Variants in C4orf50 observed in about 807,000 individuals in gnomAD.
C4orf50 encodes the protein chromosome 4 open reading frame 50.
In C4orf50, 80 loss-of-function variants were observed where a neutral mutation model predicts 77.2. That is an observed-to-expected ratio of 1.04 (90% CI 0.87 to 1.25). The LOEUF is 1.25. Ranked by LOEUF, C4orf50 falls within the 50% of genes most tolerant of loss-of-function variation. C4orf50 has a pLI of 0.00. For synonymous variants in C4orf50, 532 were observed against 465.3 expected (o/e 1.14, Z -1.84); for missense variants, 1,257 against 1,152.9 (o/e 1.09, Z -1.31).
At chr4:5,909,154 C>T (rs1716682087) in intron 7 of C4orf50, among the ~76,000 whole-genome samples, 1 of 152,200 alleles carries the variant, frequency 6.6e-6, no homozygotes, top group African/African-American at 2.4e-5. Flanking sequence ...TACAGAATAT[C>T]CTGTCATATC....
intron 30 of C4orf50, among the ~76,000 whole-genome samples, chr4:5,975,553 C>T (rs1434778568): frequency 6.6e-6 from 1 of 152,056 alleles, no homozygotes; most frequent in Non-Finnish European, 1.5e-5. Context: ...ACTCTGTTGC[C>T]CAAGCTGGAG....
At chr4:5,985,142 G>GA (rs149832110) in intron 28 of C4orf50, among the ~76,000 whole-genome samples, 1 of 151,388 alleles carries the variant, frequency 6.6e-6, no homozygotes, top group Non-Finnish European at 1.5e-5. Flanking sequence ...CCAATGGGAA[G>GA]AAAAAAAATT....
intron 7 of C4orf50, among the ~76,000 whole-genome samples, chr4:5,920,369 G>A (rs906090499): frequency 1.3e-4 from 20 of 152,064 alleles, no homozygotes; most frequent in South Asian, 8.3e-4. Context: ...GAGTTGAGGT[G>A]TGCGCCTGGT....
exon 28 of C4orf50, chr4:5,990,778 A>G (rs1485867852): frequency 5.0e-6 from 2 of 399,054 alleles, no homozygotes; most frequent in African/African-American, 2.1e-5. Flanking sequence ...GCAGCCACAG[A>G]CCAGGAGAAG....
intron 7 of C4orf50, chr4:5,898,923 A>C (rs1716237906): frequency 6.6e-6 from 1 of 152,234 alleles, no homozygotes; most frequent in Admixed American, 6.5e-5. Context: ...TTACATTTAC[A>C]CTAAAAATGC....
chr4:5,907,860 G>A (rs946086886), intron 7 of C4orf50, among the ~76,000 whole-genome samples: 6 of 152,170 alleles, frequency 3.9e-5, no homozygotes, highest in Non-Finnish European at 5.9e-5. Context: ...TGGCATGTTC[G>A]AAGGACAGAA....
chr4:5,917,944 G>A lies in C4orf50; in HGVS notation c.*2475-19756C>T, dbSNP rs548512135. 1.3e-3 allele frequency among the ~76,000 whole-genome samples: 200 copies of A among 152,170 alleles called. 1 individual carries two copies. The highest frequency in any genetic ancestry group is 4.6e-3 in the African/African-American group (191 of 41,506). ...ATTGGCACAGAATGCAATGAGATGC[G>A]GCTGGTCATTCATCAGAGAGCCGGG... On this transcript the variant is annotated intron_variant, in intron 7 of 7. Transcript: ENST00000324058.
At chr4:5,976,444 AG>A (rs1295904937) in intron 29 of C4orf50, among the ~76,000 whole-genome samples, 9 of 121,196 alleles carry the variant, frequency 7.4e-5, no homozygotes, top group Non-Finnish European at 1.3e-4. Context: ...CGAGAGAGCG[AG>A]GCTCTGTCTC....
chr4:5,984,628 G>A (rs1053592688), intron 28 of C4orf50, among the ~76,000 whole-genome samples: 3 of 152,096 alleles, frequency 2.0e-5, no homozygotes, highest in Non-Finnish European at 4.4e-5. Flanking sequence ...GTAGAATACA[G>A]GATTAGTGAA....
intron 24 of C4orf50, among the ~76,000 whole-genome samples, chr4:6,010,665 T>A (rs1345955881): frequency 6.6e-6 from 1 of 152,156 alleles, no homozygotes; most frequent in Non-Finnish European, 1.5e-5. Flanking sequence ...AGTTTGAAAA[T>A]CCCTGGCTGC....
At chr4:5,990,867 C>A in intron 27 of C4orf50, 43 bp from the exon 6 acceptor site, 1 of 399,076 alleles carries the variant, frequency 2.5e-6, no homozygotes. Flanking sequence ...CAGCCCCTTC[C>A]TCCATTTAGC....
chr4:5,950,475 T>C (rs1363555713), intron 7 of C4orf50, among the ~76,000 whole-genome samples: 2 of 151,972 alleles, frequency 1.3e-5, no homozygotes, highest in East Asian at 3.8e-4. Flanking sequence ...CTTTTATTAT[T>C]CTCTGTACTT....
chr4:6,001,385 C>T (rs954142490), intron 25 of C4orf50, among the ~76,000 whole-genome samples: 2 of 152,180 alleles, frequency 1.3e-5, no homozygotes, highest in Admixed American at 6.5e-5. Context: ...GTCAGGAGTT[C>T]GTGTTCCATG....
At chr4:5,937,784 A>C (rs1264584502) in intron 7 of C4orf50, among the ~76,000 whole-genome samples, 1 of 152,188 alleles carries the variant, frequency 6.6e-6, no homozygotes, top group East Asian at 1.9e-4. Flanking sequence ...GAATAACCAT[A>C]TTGACATTAA....
chr4:5,988,579 A>G, exon 28 of C4orf50: 1 of 1,536,492 alleles, frequency 6.5e-7, no homozygotes, highest in South Asian at 1.2e-5. Context: ...AGCCAGACTC[A>G]TTTCCTCCTC....
In C4orf50 at chr4:5,992,599, C is replaced by T. The variant is rs1022297803; in HGVS notation, c.1221+204G>A. 2.0e-5 allele frequency among the ~76,000 whole-genome samples: 3 copies of T among 152,098 alleles called. No homozygotes were observed. The highest frequency in any genetic ancestry group is 7.2e-5 in the African/African-American group (3 of 41,408). On this transcript the variant is annotated intron_variant, in intron 27 of 33. Transcript: ENST00000531445. This position sits in a 1 kb window ranked among gnomAD's most constrained non-coding sequence, Gnocchi z 5.0. ...CCAGGCCTGGCACCCAGTTAACCCCCTTCCTCCCCACCCCCCATCCAGGTC... is the reference window on the plus strand; with the variant it reads ...CCAGGCCTGGCACCCAGTTAACCCCTTTCCTCCCCACCCCCCATCCAGGTC...
At chr4:5,939,909 C>G (rs373393330) in intron 7 of C4orf50, among the ~76,000 whole-genome samples, 1 of 152,190 alleles carries the variant, frequency 6.6e-6, no homozygotes, top group Non-Finnish European at 1.5e-5. Context: ...GCCAGTCTAC[C>G]GACAACATGC....
chr4:5,989,396 T>C, exon 28 of C4orf50: 1 of 1,536,016 alleles, frequency 6.5e-7, no homozygotes, highest in Non-Finnish European at 8.7e-7. Context: ...CCCAGGGCCG[T>C]GGTCTTTCCC....
chr4:5,999,497 A>G (rs1443127485), intron 25 of C4orf50, among the ~76,000 whole-genome samples: 1 of 152,070 alleles, frequency 6.6e-6, no homozygotes, highest in Non-Finnish European at 1.5e-5. Context: ...CCTCCCCACC[A>G]TTTCCCCATT....
Sources: allele counts gnomAD v4.1 joint callset (sites outside exome capture counted in the v4.1 genomes callset), GRCh38; gene constraint gnomAD v4.1.1; non-coding constraint Gnocchi (gnomAD v3.1); transcripts MANE v1.5; gene names NCBI Gene and HGNC (gene_info 2026-07-23, HGNC 2026-07-21).